WDFY3: variants seen among roughly 807,000 people sequenced by gnomAD.
WDFY3 encodes the protein WD repeat and FYVE domain-containing protein 3.
WDFY3 carries 66 observed loss-of-function variants against 409.6 expected under a neutral mutation model. The observed-to-expected ratio is 0.16, with a 90% CI of 0.13 to 0.20. WDFY3 has a LOEUF of 0.20. Among genes scored for constraint, WDFY3 ranks in the 10% least tolerant of loss-of-function variants. The probability of loss-of-function intolerance (pLI) is 1.00; values close to 1 mark genes in which losing one functional copy is unlikely to be tolerated. For missense variants in WDFY3, 3,031 were observed against 4,298.1 expected, an observed-to-expected ratio of 0.71 and a Z score of 8.24; for synonymous variants, 1,521 against 1,537.1, an observed-to-expected ratio of 0.99 and a Z score of 0.25.
chr4:84,883,128 G>A (rs1763763055), intron 3 of WDFY3, among the ~76,000 whole-genome samples: 1 of 152,096 alleles, frequency 6.6e-6, no homozygotes, highest in Admixed American at 6.6e-5. Context: ...AGACGAAAAG[G>A]AGAGCAAAAA....
At chr4:84,932,449 CCTT>C (rs1326842966) in intron 1 of WDFY3, 86 bp from the exon 2 acceptor site, 1 of 152,158 alleles carries the variant, frequency 6.6e-6, no homozygotes, top group African/African-American at 2.4e-5. Flanking sequence ...CTCTTTACCT[CCTT>C]ACTTGTTGTC....
intron 16 of WDFY3, 163 bp downstream of exon 16, chr4:84,803,127 A>G: frequency 1.4e-6 from 1 of 696,378 alleles, no homozygotes; most frequent in Non-Finnish European, 2.2e-6. Context: ...ACCATTTATC[A>G]TGAAAGGTAA....
chr4:84,860,401 C>T lies in WDFY3; in HGVS notation c.180+11G>A. ...GTCCCGGAAGGTGTGTGTCTGGCAA[C>T]CTGGACTTACCCTGTTAAACACTGG... On this transcript the variant is annotated intron_variant, in intron 4 of 67. Coordinates refer to ENST00000295888, the MANE Select transcript of WDFY3 (RefSeq NM_014991.6). 6.2e-7 allele frequency: 1 copy of T among 1,605,286 alleles called. No individual in the cohort carries two copies. The highest frequency in any genetic ancestry group is 8.5e-7 in the Non-Finnish European group (1 of 1,173,200).
chr4:84,717,966 T>C (rs1012869565), intron 48 of WDFY3, among the ~76,000 whole-genome samples: 52 of 141,780 alleles, frequency 3.7e-4, no homozygotes, highest in African/African-American at 1.4e-3. Context: ...GAGAATGGCA[T>C]GAACCCGGGA....
rs566364297 is a variant in WDFY3, at chr4:84,751,683, C to T, written c.5773G>A (p.Ala1925Thr). 13 of 1,614,150 alleles carry T rather than the reference C, an allele frequency of 8.1e-6. No homozygotes were observed. The East Asian group carries it at 2.2e-4, about 28-fold the overall frequency. Residue 1925 changes from alanine to threonine, a missense_variant, in exon 36 of 68, where the codon GCA (alanine) becomes ACA (threonine). By Grantham distance (58) the Ala-to-Thr change is moderately conservative. Around this residue, in one of 16 missense-constraint regions of WDFY3, gnomAD observed 314 missense variants for 397.4 expected, o/e 0.79. Transcript: ENST00000295888. Reference sequence around the variant, plus strand: ...GCTGCAAACGCTTTAAACTCTTCTGCTGGAGATCCAACTTCATCATCAAGG... The same window carrying T: ...GCTGCAAACGCTTTAAACTCTTCTGTTGGAGATCCAACTTCATCATCAAGG... ...TDLDDEVGSP[A>T]EEFKAFAADT... is the part of the protein sequence containing the mutation.
At chr4:84,824,222 A>G (rs1754505949) in intron 10 of WDFY3, among the ~76,000 whole-genome samples, 1 of 152,214 alleles carries the variant, frequency 6.6e-6, no homozygotes, top group African/African-American at 2.4e-5. Context: ...TACATACAAT[A>G]AGATATTCTG....
Position 84,796,714 on chromosome 4 carries a change from T to C in WDFY3, c.2974A>G (p.Asn992Asp), listed in dbSNP as rs1749509910. 3.1e-6 allele frequency: 5 copies of C among 1,613,974 alleles called. No individual in the cohort carries two copies. Among genetic ancestry groups the C allele is most frequent in the African/African-American group, 1.3e-5 (1 of 74,912 alleles). The part of the protein sequence containing the change: ...ITSLEGLGTD[N>D]VFSLHEDNHY... ...TTATCTTCATGTAAGCTAAAAACAT[T>C]ATCAGTACCCAGACCTTCCAGAGAT... The change falls in exon 19 of 68, where the codon AAT becomes GAT. Residue 992 changes from asparagine to aspartate, a missense_variant. Asn to Asp is a conservative substitution (Grantham distance 23). This residue lies in a region of WDFY3 where 1,322 missense variants were observed against 1,697.9 expected (regional missense o/e 0.78). Transcript: ENST00000295888.
chr4:84,868,171 C>CAAAAAA lies in WDFY3; in HGVS notation c.-31-7555_-31-7550dup, dbSNP rs70943375. On this transcript the variant is annotated intron_variant, in intron 3 of 67. Transcript: ENST00000295888. ...TGGGTGACAGAGCGAGACTCTGTCT[C>CAAAAAA]AAAAAAAAAAAAAAAAAAAAAAAAA... is the stretch of plus-strand genomic sequence containing the variant. Among the ~76,000 whole-genome samples the CAAAAAA allele has an allele frequency of 2.3e-4, 9 of 38,442 alleles. 1 individual carries two copies. Among genetic ancestry groups the CAAAAAA allele is most frequent in the African/African-American group, 3.0e-4 (3 of 9,928 alleles). The allele number at this position is 38,442 out of a possible 152,430, so 25.2% of individuals were successfully genotyped here.
intron 44 of WDFY3, among the ~76,000 whole-genome samples, chr4:84,729,927 CT>C (rs1736303816): frequency 6.6e-6 from 1 of 152,090 alleles, no homozygotes; most frequent in Non-Finnish European, 1.5e-5. Context: ...TGGCACAAAC[CT>C]ATTCTATCAC....
chr4:84,743,855 T>G, intron 36 of WDFY3, 56 bp from the exon 37 acceptor site: 2 of 1,262,676 alleles, frequency 1.6e-6, no homozygotes, highest in Non-Finnish European at 2.2e-6. Context: ...AAATATGAGC[T>G]CAACCACATT....
rs190686057 is a variant in WDFY3 at position 84,872,325 on chromosome 4, C to T, written c.-31-11703G>A. On this transcript the variant is annotated intron_variant, in intron 3 of 67. Transcript: ENST00000295888. ...ACTAAAAATATAAAAATTAGCCAGG[C>T]GTGGTGGAGGGCGCCTATGGTCCCA... Among the ~76,000 whole-genome samples, 769 of 151,920 alleles carry T rather than the reference C, an allele frequency of 5.1e-3. 8 individuals carry two copies. Among genetic ancestry groups the T allele is most frequent in the African/African-American group, 0.017 (722 of 41,416 alleles).
At chr4:84,890,426 G>A (rs1764795297) in intron 3 of WDFY3, among the ~76,000 whole-genome samples, 1 of 152,182 alleles carries the variant, frequency 6.6e-6, no homozygotes, top group Non-Finnish European at 1.5e-5. Flanking sequence ...AAGGAGAAGT[G>A]AAGCAGAGAC....
chr4:84,716,823 A>G (rs1734027307), intron 49 of WDFY3, 73 bp downstream of exon 49: 2 of 1,254,282 alleles, frequency 1.6e-6, no homozygotes, highest in African/African-American at 3.2e-5. Context: ...AAAAATAAAA[A>G]ATAAAATAAA....
chr4:84,842,644 T>C (rs1227005735), intron 5 of WDFY3, among the ~76,000 whole-genome samples: 2 of 151,924 alleles, frequency 1.3e-5, no homozygotes, highest in East Asian at 3.9e-4. Context: ...TAGCCGAGTG[T>C]GGTGGTGGGC....
chr4:84,961,083 C>T (rs147163356), intron 1 of WDFY3, among the ~76,000 whole-genome samples: 11 of 151,954 alleles, frequency 7.2e-5, no homozygotes, highest in African/African-American at 2.4e-4. Context: ...GGCGTGGTGG[C>T]GGATGCCTGT....
At chr4:84,809,704 A>T in intron 14 of WDFY3, 183 bp downstream of exon 14, 2 of 361,786 alleles carry the variant, frequency 5.5e-6, no homozygotes, top group South Asian at 1.1e-4. Context: ...TTCCATGCTA[A>T]AAAAAAAAAA....
At chr4:84,875,767 G>A (rs1762698788) in intron 3 of WDFY3, among the ~76,000 whole-genome samples, 1 of 152,042 alleles carries the variant, frequency 6.6e-6, no homozygotes, top group Non-Finnish European at 1.5e-5. Context: ...TATTAGCCAA[G>A]GCTTGCACAG....
intron 24 of WDFY3, among the ~76,000 whole-genome samples, chr4:84,785,368 C>T (rs1011982552): frequency 6.6e-6 from 1 of 152,112 alleles, no homozygotes; most frequent in Non-Finnish European, 1.5e-5. Flanking sequence ...CCCATGCTCC[C>T]TATTCCTGTG....
intron 1 of WDFY3, among the ~76,000 whole-genome samples, chr4:84,964,492 A>G (rs1775367666): frequency 6.6e-6 from 1 of 152,222 alleles, no homozygotes; most frequent in Non-Finnish European, 1.5e-5. Flanking sequence ...AAATAAATAA[A>G]TTAAGAACAA....
Sources: allele counts gnomAD v4.1 joint callset (sites outside exome capture counted in the v4.1 genomes callset), GRCh38; gene constraint gnomAD v4.1.1; regional missense constraint gnomAD v4.1.1; transcripts MANE v1.5; gene names NCBI Gene and HGNC (gene_info 2026-07-23, HGNC 2026-07-21).